Variants in FBXO17 observed in about 807,000 individuals in gnomAD.
The protein encoded by FBXO17 is F-box only protein 17.
Under a neutral mutation model 34.1 loss-of-function variants are expected in FBXO17, and 43 were observed. That is an observed-to-expected ratio of 1.26 (90% CI 0.99 to 1.62). The LOEUF (loss-of-function observed/expected upper bound fraction) is 1.62. FBXO17 is among the 40% of genes most tolerant of loss of function. The probability of loss-of-function intolerance (pLI) is 0.00; values close to 1 mark genes in which losing one functional copy is unlikely to be tolerated. For missense variants in FBXO17, 424 were observed against 386.7 expected, an observed-to-expected ratio of 1.10 and a Z score of -0.81; for synonymous variants, 169 against 166.0, an observed-to-expected ratio of 1.02 and a Z score of -0.14.
At chr19:38,948,815 C>G in intron 2 of FBXO17, 137 bp from the exon 3 acceptor site, 1 of 672,674 alleles carries the variant, frequency 1.5e-6, no homozygotes, top group Non-Finnish European at 2.6e-6. Context: ...CTACCGACTC[C>G]TCCTCCCATT....
In FBXO17 at chr19:38,950,206, C is replaced by A; in HGVS notation, c.114G>T (p.Leu38Phe). 1.3e-6 allele frequency: 2 copies of A among 1,550,876 alleles called. No homozygotes were observed. Among genetic ancestry groups the A allele is most frequent in the Middle Eastern group, 1.7e-4 (1 of 5,984 alleles). ...GGCACACTGGGCGGCATCGCGTGAC[C>A]AAGGAGCGTGGCGGCACGTGGCTCA... ...QVLSHVPPRS[L>F]VTRCRPVCRA... The change falls in exon 2 of 6, where the codon TTG (leucine) becomes TTT (phenylalanine). Residue 38 changes from leucine to phenylalanine, a missense_variant. By Grantham distance (22) the Leu-to-Phe change is conservative. Coordinates refer to ENST00000292852, the MANE Select transcript of FBXO17 (RefSeq NM_024907.7).
chr19:38,944,869 T>C lies in FBXO17; in HGVS notation c.693+100A>G, dbSNP rs918945348. 6 of 1,508,054 alleles carry C rather than the reference T, an allele frequency of 4.0e-6. No homozygotes were observed. In the African/African-American group the frequency reaches 4.2e-5, roughly 10 times the overall value. The allele number at this position is 1,508,054 out of a possible 1,614,324, so 93.4% of individuals were successfully genotyped here. A position where few individuals can be genotyped will look rare whatever the true frequency, so the allele number is the denominator to read the frequency against. ...CGATACTTCTTAGCTGTTATGATTATAGATATCCAGGAGTGACAGAAGGGA... is the reference window on the plus strand; with the variant it reads ...CGATACTTCTTAGCTGTTATGATTACAGATATCCAGGAGTGACAGAAGGGA... On this transcript the variant is annotated intron_variant, in intron 5 of 5. Transcript: ENST00000292852.
chr19:38,965,514 A>G (rs2144839265), intron 1 of FBXO17, among the ~76,000 whole-genome samples: 1 of 147,034 alleles, frequency 6.8e-6, no homozygotes, highest in East Asian at 2.0e-4. Flanking sequence ...TTTTATTTTT[A>G]TTTATTTTTG....
At chr19:38,942,897 C>A (rs1974914309) in intron 5 of FBXO17, 146 bp from the exon 6 acceptor site, 2 of 980,286 alleles carry the variant, frequency 2.0e-6, no homozygotes, top group Non-Finnish European at 2.9e-6. Flanking sequence ...CGGAAAAGGA[C>A]CCCGCCCTGG....
chr19:38,959,999 T>C (rs369353491), intron 1 of FBXO17, among the ~76,000 whole-genome samples: 7 of 152,088 alleles, frequency 4.6e-5, no homozygotes, highest in African/African-American at 1.7e-4. Flanking sequence ...AAAACAGATA[T>C]GGCAGTCCAT....
intron 1 of FBXO17, among the ~76,000 whole-genome samples, chr19:38,958,406 CAA>C (rs61007658): frequency 0.066 from 6,452 of 98,438 alleles, 168 homozygotes; most frequent in East Asian, 0.2. Flanking sequence ...GAAACTGTCT[CAA>C]AAAAAAAAAA....
intron 1 of FBXO17, among the ~76,000 whole-genome samples, chr19:38,969,850 G>A (rs1025509231): frequency 6.6e-6 from 1 of 151,852 alleles, no homozygotes; most frequent in East Asian, 1.9e-4. Context: ...CTCCTGCCTT[G>A]GCTTCCCGAA....
rs181855472 is a variant in FBXO17, at chr19:38,943,283, T to C, written c.694-532A>G. ...GTAAAACAAACTTTTTATTTATTTA[T>C]TTATTTTTGAGATGGAGTCTCACTC... On this transcript the variant is annotated intron_variant, in intron 5 of 5. Coordinates refer to ENST00000292852, the MANE Select transcript of FBXO17 (RefSeq NM_024907.7). Among the ~76,000 whole-genome samples the C allele has an allele frequency of 2.4e-4, 36 of 152,166 alleles. No individual in the cohort carries two copies. In the East Asian group the frequency reaches 6.6e-3, roughly 28 times the overall value.
chr19:38,949,673 C>T (rs999247409), intron 2 of FBXO17: 3 of 504,064 alleles, frequency 6.0e-6, no homozygotes, highest in Non-Finnish European at 6.9e-6. Context: ...CCATTCCCAC[C>T]GCGCCTGGCC....
chr19:38,959,181 AT>A (rs1349659179), intron 1 of FBXO17, among the ~76,000 whole-genome samples: 2 of 150,724 alleles, frequency 1.3e-5, no homozygotes, highest in East Asian at 3.9e-4. Context: ...AAGTGCTGGG[AT>A]TATAGGTAGG....
At chr19:38,946,134 A>G in intron 4 of FBXO17, 2 of 361,290 alleles carry the variant, frequency 5.5e-6, no homozygotes, top group Non-Finnish European at 1.0e-5. Flanking sequence ...CTCAGCTCAC[A>G]GGGCACCATG....
chr19:38,947,983 T>C (rs1002495344), intron 3 of FBXO17, among the ~76,000 whole-genome samples: 1 of 151,016 alleles, frequency 6.6e-6, no homozygotes, highest in African/African-American at 2.4e-5. Context: ...AGCGACTCCA[T>C]CTTGGGTGCT....
rs536106542 is a variant in FBXO17, at chr19:38,973,902, G to A, written c.-18+1684C>T. Among the ~76,000 whole-genome samples the A allele has an allele frequency of 3.1e-3, 471 of 151,412 alleles. 2 individuals carry two copies. Among genetic ancestry groups the A allele is most frequent in the African/African-American group, 0.011 (443 of 41,312 alleles). ...GGAGGCTGAGGTGGGAGGATCTCTT[G>A]AGCCCAGGAGGTTGAGGCTGCAGTG... On this transcript the variant is annotated intron_variant, in intron 1 of 5. Coordinates refer to ENST00000292852, the MANE Select transcript of FBXO17 (RefSeq NM_024907.7).
At chr19:38,966,218 C>T (rs1433093675) in intron 1 of FBXO17, among the ~76,000 whole-genome samples, 1 of 151,946 alleles carries the variant, frequency 6.6e-6, no homozygotes, top group Non-Finnish European at 1.5e-5. Context: ...GATCCACCCA[C>T]CTCGGCTTCC....
At chr19:38,954,888 GTGTTATTT>G (rs1409489102) in intron 1 of FBXO17, among the ~76,000 whole-genome samples, 2 of 125,590 alleles carry the variant, frequency 1.6e-5, no homozygotes, top group Non-Finnish European at 3.3e-5. Flanking sequence ...CCCTGACAAT[GTGTTATTT>G]TATTATTATT....
At chr19:38,948,719 G>T in intron 2 of FBXO17, 41 bp from the exon 3 acceptor site, 1 of 1,583,436 alleles carries the variant, frequency 6.3e-7, no homozygotes, top group Non-Finnish European at 8.7e-7. Flanking sequence ...TCACCTGCCA[G>T]CCTGCCCAGA....
intron 4 of FBXO17, 199 bp from the exon 5 acceptor site, chr19:38,945,303 TG>T: frequency 1.5e-6 from 1 of 656,086 alleles, no homozygotes; most frequent in Non-Finnish European, 2.5e-6. Flanking sequence ...CGGAGGAGCC[TG>T]GGTGGTCCTG....
chr19:38,950,257 C>A lies in FBXO17; in HGVS notation c.63G>T (p.Leu21=). The A allele has an allele frequency of 6.6e-7, 1 of 1,506,968 alleles. No homozygotes were observed. The allele number at this position is 1,506,968 out of a possible 1,614,324, so 93.3% of individuals were successfully genotyped here. A position where few individuals can be genotyped will look rare whatever the true frequency, so the allele number is the denominator to read the frequency against. Residue 21 remains leucine, a synonymous_variant, in exon 2 of 6, where the codon CTG becomes CTT. Transcript: ENST00000292852. ...PADPSLALDA[L]PPELLVQVLS... ...GCACCTGCACCAGCAGCTCCGGGGG[C>A]AGCGCGTCCAGGGCCAGGGATGGGT... is the stretch of plus-strand genomic sequence containing the variant.
intron 1 of FBXO17, among the ~76,000 whole-genome samples, chr19:38,964,283 GTTTCCT>G (rs1013464749): frequency 6.6e-6 from 1 of 152,064 alleles, no homozygotes; most frequent in Non-Finnish European, 1.5e-5. Context: ...ACACAGAATG[GTTTCCT>G]TTTCATACCT....
Sources: allele counts gnomAD v4.1 joint callset (sites outside exome capture counted in the v4.1 genomes callset), GRCh38; gene constraint gnomAD v4.1.1; transcripts MANE v1.5; gene names NCBI Gene and HGNC (gene_info 2026-07-23, HGNC 2026-07-21).